DIAPH3: variants seen among roughly 807,000 people sequenced by gnomAD.
The protein encoded by DIAPH3 is diaphanous related formin 3.
In DIAPH3, 117 loss-of-function variants were observed where a neutral mutation model predicts 144.3. The ratio of observed to expected loss-of-function variants is 0.81; its 90% CI spans 0.70 to 0.95. The LOEUF (loss-of-function observed/expected upper bound fraction) is 0.95. DIAPH3 is among the 40% of genes least tolerant of loss of function. DIAPH3 has a pLI of 0.00. For missense variants in DIAPH3, 1,421 were observed against 1,412.7 expected (o/e 1.01, Z -0.09); for synonymous variants, 519 against 488.9 (o/e 1.06, Z -0.81).
intron 20 of DIAPH3, among the ~76,000 whole-genome samples, chr13:59,893,905 A>G (rs1469098037): frequency 6.6e-6 from 1 of 152,130 alleles, no homozygotes; most frequent in African/African-American, 2.4e-5. Flanking sequence ...CCAAACATAA[A>G]CCCATTAAGA....
chr13:59,782,683 C>T (rs969023459), intron 25 of DIAPH3, among the ~76,000 whole-genome samples: 1 of 152,112 alleles, frequency 6.6e-6, no homozygotes, highest in Non-Finnish European at 1.5e-5. Flanking sequence ...TCGTAAAACA[C>T]AACAGGTTGA....
chr13:59,720,586 G>A (rs1475213407), intron 27 of DIAPH3, among the ~76,000 whole-genome samples: 1 of 152,098 alleles, frequency 6.6e-6, no homozygotes, highest in Non-Finnish European at 1.5e-5. Context: ...CATCCAGTCA[G>A]TATTCTGCAT....
intron 27 of DIAPH3, among the ~76,000 whole-genome samples, chr13:59,680,498 G>A (rs1345814087): frequency 6.6e-6 from 1 of 151,736 alleles, no homozygotes; most frequent in African/African-American, 2.4e-5. Flanking sequence ...AGAACTTCAG[G>A]GATGCTAATC....
chr13:60,125,394 ATTTTTTTTTTTT>A (rs56267083), intron 2 of DIAPH3, among the ~76,000 whole-genome samples: 53 of 97,860 alleles, frequency 5.4e-4, no homozygotes, highest in Middle Eastern at 5.9e-3. Flanking sequence ...CACCCAGCTA[ATTTTTTTTTTTT>A]TTTTTTTTTT....
intron 5 of DIAPH3, among the ~76,000 whole-genome samples, chr13:60,027,253 A>G (rs1016017158): frequency 2.6e-5 from 4 of 152,222 alleles, no homozygotes; most frequent in African/African-American, 9.6e-5. Flanking sequence ...ATCCACCCAA[A>G]TTACACTAAA....
At chr13:59,992,634 G>T in intron 9 of DIAPH3, 51 bp from the exon 10 acceptor site, 2 of 1,417,760 alleles carry the variant, frequency 1.4e-6, no homozygotes, top group East Asian at 2.3e-5. Context: ...ATTAAAGAAA[G>T]AGTAACAAAC....
intron 8 of DIAPH3, 142 bp from the exon 9 acceptor site, chr13:60,008,791 A>G: frequency 1.5e-6 from 1 of 679,586 alleles, no homozygotes; most frequent in South Asian, 1.7e-5. Flanking sequence ...ACCATGTATC[A>G]AGCACAGTTC....
rs1159775684 is a variant in DIAPH3, at chr13:59,991,967, T to C, written c.1244+101A>G. 7.6e-6 allele frequency: 7 copies of C among 925,756 alleles called. No individual in the cohort carries two copies. In the East Asian group the frequency reaches 1.7e-4, roughly 23 times the overall value. 57.3% of individuals were successfully genotyped at this position (925,756 alleles called of 1,614,324 possible). On this transcript the variant is annotated intron_variant, in intron 11 of 27. Coordinates refer to ENST00000400324, the MANE Select transcript of DIAPH3 (RefSeq NM_001042517.2). The stretch of plus-strand genomic sequence containing the variant: ...TCTGATGCATGAAGGTTTGATTTCA[T>C]GTTGTTTATATAGAAATGAGCTAAA...
chr13:59,795,421 G>C (rs568746337), intron 25 of DIAPH3, among the ~76,000 whole-genome samples: 1 of 150,880 alleles, frequency 6.6e-6, no homozygotes, highest in African/African-American at 2.4e-5. Context: ...AGATGCTTCT[G>C]TCCCAGGGAA....
At chr13:60,077,910 G>A (rs1026097355) in intron 4 of DIAPH3, among the ~76,000 whole-genome samples, 5 of 152,030 alleles carry the variant, frequency 3.3e-5, no homozygotes, top group African/African-American at 1.2e-4. Flanking sequence ...GTGTAGACTA[G>A]CCTATAAGGA....
intron 20 of DIAPH3, among the ~76,000 whole-genome samples, chr13:59,910,590 G>A (rs1210923121): frequency 2.6e-5 from 4 of 151,918 alleles, no homozygotes; most frequent in Admixed American, 2.6e-4. Context: ...ATAGCTGAGT[G>A]TAGTGTTGGC....
chr13:59,844,773 A>G (rs2042542758), intron 22 of DIAPH3, among the ~76,000 whole-genome samples: 1 of 152,186 alleles, frequency 6.6e-6, no homozygotes, highest in Non-Finnish European at 1.5e-5. Context: ...ACATTCCACC[A>G]GATGACATCT....
intron 27 of DIAPH3, among the ~76,000 whole-genome samples, chr13:59,727,836 A>T (rs753885208): frequency 6.6e-6 from 1 of 152,188 alleles, no homozygotes; most frequent in Non-Finnish European, 1.5e-5. Flanking sequence ...ACAATTTGAC[A>T]TGCAGCCCTA....
chr13:60,137,107 A>C (rs916075774), intron 1 of DIAPH3, among the ~76,000 whole-genome samples: 1 of 152,208 alleles, frequency 6.6e-6, no homozygotes. Flanking sequence ...CTCCCTAAAA[A>C]GTAAGGAGAA....
intron 2 of DIAPH3, among the ~76,000 whole-genome samples, chr13:60,122,805 T>C (rs1447738081): frequency 6.6e-6 from 1 of 151,848 alleles, no homozygotes; most frequent in African/African-American, 2.4e-5. Flanking sequence ...TATAAGGTAA[T>C]AAGAAAAATA....
intron 27 of DIAPH3, among the ~76,000 whole-genome samples, chr13:59,685,589 GAA>G (rs1338731479): frequency 6.6e-6 from 1 of 152,070 alleles, no homozygotes; most frequent in Non-Finnish European, 1.5e-5. Flanking sequence ...ACAGAGCAAG[GAA>G]AAGACAGAAC....
intron 20 of DIAPH3, among the ~76,000 whole-genome samples, chr13:59,884,366 C>T (rs1414729018): frequency 6.6e-6 from 1 of 151,998 alleles, no homozygotes; most frequent in East Asian, 1.9e-4. Flanking sequence ...GAAATAAATG[C>T]ACAATAAATG....
chr13:60,057,621 C>A lies in DIAPH3; in HGVS notation c.496-14801G>T, dbSNP rs184906572. Among the ~76,000 whole-genome samples, 4 of 152,016 alleles carry A rather than the reference C, an allele frequency of 2.6e-5. No homozygotes were observed. In the East Asian group the frequency reaches 7.7e-4, roughly 29 times the overall value. On this transcript the variant is annotated intron_variant, in intron 4 of 27. Transcript: ENST00000400324. ...TGAGCAAAAACAACAAATCTGCAGG[C>A]ATCACGTTATCTGACTTCCAATTAT...
At chr13:59,743,789 C>T (rs1442719669) in intron 27 of DIAPH3, among the ~76,000 whole-genome samples, 1 of 152,024 alleles carries the variant, frequency 6.6e-6, no homozygotes, top group Non-Finnish European at 1.5e-5. Context: ...AATCCATTTA[C>T]ATACATTTAA....
Sources: allele counts gnomAD v4.1 joint callset (sites outside exome capture counted in the v4.1 genomes callset), GRCh38; gene constraint gnomAD v4.1.1; transcripts MANE v1.5; gene names NCBI Gene and HGNC (gene_info 2026-07-23, HGNC 2026-07-21).